EPHB1: variants seen among roughly 807,000 people sequenced by gnomAD.
EPHB1 encodes the protein ephrin type-B receptor 1.
Under a neutral mutation model 94.4 loss-of-function variants are expected in EPHB1, and 30 were observed. That is an observed-to-expected ratio of 0.32 (90% confidence interval 0.24 to 0.43). The LOEUF (loss-of-function observed/expected upper bound fraction) is 0.43, where lower values mean the gene tolerates loss of function less well. Ranked by LOEUF, EPHB1 falls within the 20% of genes least tolerant of loss-of-function variation. The probability of loss-of-function intolerance (pLI) is 1.00; values close to 1 mark genes in which losing one functional copy is unlikely to be tolerated. For missense variants in EPHB1, 1,055 were observed against 1,308.3 expected, an observed-to-expected ratio of 0.81 and a Z score of 2.99; for synonymous variants, 522 against 489.1, an observed-to-expected ratio of 1.07 and a Z score of -0.89.
chr3:135,072,100 G>A (rs1355941840), intron 3 of EPHB1, among the ~76,000 whole-genome samples: 1 of 152,188 alleles, frequency 6.6e-6, no homozygotes, highest in Non-Finnish European at 1.5e-5. Flanking sequence ...AGGGCCAGGT[G>A]TGATGGCTCA....
At chr3:134,892,238 G>T (rs1398186697) in intron 1 of EPHB1, among the ~76,000 whole-genome samples, 3 of 152,190 alleles carry the variant, frequency 2.0e-5, no homozygotes, top group African/African-American at 7.2e-5. Flanking sequence ...CTTGCCAGGG[G>T]TGTGGGCATG....
At chr3:135,010,410 A>G (rs1032679960) in intron 3 of EPHB1, among the ~76,000 whole-genome samples, 3 of 152,012 alleles carry the variant, frequency 2.0e-5, no homozygotes, top group Non-Finnish European at 2.9e-5. Context: ...CTCAGCTGCC[A>G]TTGCCTGTTC....
chr3:135,256,290 G>T (rs1213964601), intron 15 of EPHB1, among the ~76,000 whole-genome samples: 1 of 152,148 alleles, frequency 6.6e-6, no homozygotes, highest in Non-Finnish European at 1.5e-5. Context: ...TTGCTTGTTA[G>T]TTGATGCAGT....
intron 1 of EPHB1, among the ~76,000 whole-genome samples, chr3:134,833,889 A>G (rs1363509410): frequency 1.3e-5 from 2 of 152,180 alleles, no homozygotes; most frequent in African/African-American, 4.8e-5. Context: ...GCGTGGGCTG[A>G]GTTGAGTATA....
chr3:135,176,986 C>T (rs6799471), intron 9 of EPHB1, among the ~76,000 whole-genome samples: 66,399 of 151,914 alleles, frequency 0.44, 15,021 homozygotes, highest in East Asian at 0.7. Flanking sequence ...CGCTTGCTTC[C>T]TCTTCCTACC....
chr3:135,029,290 C>T (rs9681302), intron 3 of EPHB1, among the ~76,000 whole-genome samples: 40 of 151,734 alleles, frequency 2.6e-4, no homozygotes, highest in African/African-American at 6.8e-4. Context: ...TCATTTTGCT[C>T]GTTAGTTGAT....
intron 1 of EPHB1, among the ~76,000 whole-genome samples, chr3:134,823,090 C>T (rs1276460038): frequency 6.6e-6 from 1 of 152,216 alleles, no homozygotes; most frequent in Admixed American, 6.5e-5. Flanking sequence ...TCCAAGAGCC[C>T]AGACCCTGGT....
In EPHB1 at chr3:135,106,482, A is replaced by G; in HGVS notation, c.840A>G (p.Glu280=). 1 of 1,614,028 alleles carries G rather than the reference A, an allele frequency of 6.2e-7. No homozygotes were observed. The highest frequency in any genetic ancestry group is 8.5e-7 in the Non-Finnish European group (1 of 1,179,902). The change falls in exon 4 of 16, where the codon GAA becomes GAG. Residue 280 remains glutamate, a synonymous_variant. Coordinates refer to ENST00000398015, the MANE Select transcript of EPHB1 (RefSeq NM_004441.5). The stretch of plus-strand genomic sequence containing the variant: ...CAGGGACATTCAAGGCCAGCCAGGA[A>G]GCTGAAGGCTGCTCCCACTGCCCCT... ...CPAGTFKASQ[E]AEGCSHCPSN...
intron 9 of EPHB1, among the ~76,000 whole-genome samples, chr3:135,172,924 C>T (rs1255143469): frequency 1.3e-5 from 2 of 152,234 alleles, no homozygotes; most frequent in Non-Finnish European, 2.9e-5. Context: ...TGCTTCCCAA[C>T]AGCTCCTCAG....
chr3:134,937,164 C>G (rs977473141), intron 2 of EPHB1, among the ~76,000 whole-genome samples: 5 of 152,214 alleles, frequency 3.3e-5, no homozygotes, highest in African/African-American at 1.2e-4. Flanking sequence ...ACCTGGGAAG[C>G]CAAGTCCAGG....
At chr3:134,969,042 C>A (rs1215225764) in intron 3 of EPHB1, among the ~76,000 whole-genome samples, 4 of 152,178 alleles carry the variant, frequency 2.6e-5, no homozygotes, top group Non-Finnish European at 5.9e-5. Context: ...AATACCCAGG[C>A]AAGCTCTTAT....
chr3:135,179,776 C>T, intron 9 of EPHB1, 84 bp from the exon 10 acceptor site: 1 of 1,535,386 alleles, frequency 6.5e-7, no homozygotes. Context: ...CCCAGGAATG[C>T]CCTTAGTGCT....
chr3:135,031,369 GC>G (rs1936461582), intron 3 of EPHB1, among the ~76,000 whole-genome samples: 2 of 152,034 alleles, frequency 1.3e-5, no homozygotes, highest in South Asian at 4.1e-4. Flanking sequence ...GAGTGTAGTG[GC>G]CTGGTCTCAG....
intron 1 of EPHB1, among the ~76,000 whole-genome samples, chr3:134,887,554 A>T (rs572123444): frequency 6.6e-6 from 1 of 152,354 alleles, no homozygotes; most frequent in East Asian, 1.9e-4. Flanking sequence ...GTATTTGCAT[A>T]GAAAGAACAG....
intron 3 of EPHB1, among the ~76,000 whole-genome samples, chr3:135,008,876 AAG>A (rs1455765048): frequency 6.6e-6 from 1 of 152,200 alleles, no homozygotes; most frequent in Non-Finnish European, 1.5e-5. Context: ...TTACTTAAGA[AAG>A]AGTTCAGTGT....
At chr3:134,828,906 G>A (rs1254429764) in intron 1 of EPHB1, among the ~76,000 whole-genome samples, 5 of 152,166 alleles carry the variant, frequency 3.3e-5, no homozygotes, top group African/African-American at 1.2e-4. Context: ...CCCGTCCCTG[G>A]ACGTGATAAA....
chr3:135,172,742 G>C (rs1335576882), intron 9 of EPHB1, among the ~76,000 whole-genome samples: 1 of 152,252 alleles, frequency 6.6e-6, no homozygotes, highest in Non-Finnish European at 1.5e-5. Flanking sequence ...TATTGGGAGA[G>C]GAGGAAAGTC....
intron 3 of EPHB1, among the ~76,000 whole-genome samples, chr3:135,091,811 G>A (rs780461066): frequency 2.0e-5 from 3 of 152,096 alleles, no homozygotes; most frequent in African/African-American, 4.8e-5. Flanking sequence ...GCCTGTCCTC[G>A]GTGTGACCAC....
chr3:134,918,325 A>C (rs909474393), intron 1 of EPHB1, among the ~76,000 whole-genome samples: 1 of 152,202 alleles, frequency 6.6e-6, no homozygotes, highest in African/African-American at 2.4e-5. Context: ...AGGGAACTGA[A>C]GATCAATTTG....
Sources: allele counts gnomAD v4.1 joint callset (sites outside exome capture counted in the v4.1 genomes callset), GRCh38; gene constraint gnomAD v4.1.1; transcripts MANE v1.5; gene names NCBI Gene and HGNC (gene_info 2026-07-23, HGNC 2026-07-21).